The following GCNT1 variants were observed in gnomAD, a reference collection of about 807,000 sequenced individuals.
GCNT1 encodes the protein beta-1,3-galactosyl-O-glycosyl-glycoprotein beta-1,6-N-acetylglucosaminyltransferase.
In GCNT1, 16 loss-of-function variants were observed where a neutral mutation model predicts 26.2. The observed-to-expected ratio is 0.61, with a 90% CI of 0.41 to 0.93. The LOEUF (loss-of-function observed/expected upper bound fraction) is 0.93. Ranked by LOEUF, GCNT1 falls within the 40% of genes least tolerant of loss-of-function variation. GCNT1 has a pLI of 0.00. For synonymous variants in GCNT1, 183 were observed against 190.8 expected, an observed-to-expected ratio of 0.96 and a Z score of 0.34; for missense variants, 477 against 526.7, an observed-to-expected ratio of 0.91 and a Z score of 0.92.
rs985415648 is a variant in GCNT1 at position 76,506,527 on chromosome 9, C to T, written c.*2859C>T. The T allele has an allele frequency of 1.2e-5, 2 of 166,810 alleles. No homozygotes were observed. The highest frequency in any genetic ancestry group is 6.6e-5 in the Admixed American group (1 of 15,260). 10.3% of individuals were successfully genotyped at this position (166,810 alleles called of 1,614,324 possible). ...CCAGCCTGGGTGACAGAGTGAAACT[C>T]GTATCTCCAAACAAACAAACAAAAA... On this transcript the variant is annotated 3_prime_UTR_variant, in exon 4 of 4. Transcript: ENST00000376730.
At chr9:76,402,826 C>A in the GCNT1 span, among the ~76,000 whole-genome samples, 1 of 151,996 alleles carries the variant, frequency 6.6e-6, no homozygotes, top group Admixed American at 6.6e-5. Flanking sequence ...ATTACAGGCA[C>A]GCGCCACCAC....
the GCNT1 span, among the ~76,000 whole-genome samples, chr9:76,413,651 TTG>T: frequency 1.8e-5 from 1 of 54,172 alleles, no homozygotes; most frequent in East Asian, 2.4e-4. Context: ...TTGTTTTGTT[TTG>T]TTTTTTTTTT....
intron 1 of GCNT1, among the ~76,000 whole-genome samples, chr9:76,453,511 G>A (rs956884386): frequency 3.3e-5 from 5 of 152,108 alleles, no homozygotes; most frequent in Non-Finnish European, 5.9e-5. Context: ...TGCCATAATA[G>A]CAGGTACTCA....
upstream of GCNT1, among the ~76,000 whole-genome samples, chr9:76,457,319 G>A (rs1465226028): frequency 6.6e-6 from 1 of 152,246 alleles, no homozygotes; most frequent in East Asian, 1.9e-4. Context: ...CACGATCTCA[G>A]CTCACTGCAA....
chr9:76,408,373 A>G, the GCNT1 span, among the ~76,000 whole-genome samples: 1 of 152,110 alleles, frequency 6.6e-6, no homozygotes, highest in African/African-American at 2.4e-5. Flanking sequence ...TAATATGATC[A>G]TGTTTTTTTC....
chr9:76,430,934 C>T (rs547624306), intron 1 of GCNT1, among the ~76,000 whole-genome samples: 157 of 152,316 alleles, frequency 1.0e-3, no homozygotes, highest in Non-Finnish European at 1.7e-3. Flanking sequence ...AATCCACCTA[C>T]CTTGGCCTCC....
At chr9:76,448,391 A>G (rs1331571053) in intron 1 of GCNT1, among the ~76,000 whole-genome samples, 2 of 152,116 alleles carry the variant, frequency 1.3e-5, no homozygotes, top group African/African-American at 4.8e-5. Context: ...GACTGAGGCT[A>G]CAGTGAGCTG....
intron 1 of GCNT1, 23 bp downstream of exon 1, chr9:76,459,328 C>T (rs1172590775): frequency 1.3e-5 from 2 of 152,412 alleles, no homozygotes; most frequent in Admixed American, 6.5e-5. Flanking sequence ...CCCTCGTGTT[C>T]CCCTGCTCGG....
At chr9:76,496,012 G>T (rs1172252868) in intron 2 of GCNT1, among the ~76,000 whole-genome samples, 2 of 152,044 alleles carry the variant, frequency 1.3e-5, no homozygotes, top group Non-Finnish European at 2.9e-5. Flanking sequence ...ATTTCTCTTG[G>T]CATGCTTGGA....
At chr9:76,468,801 C>T (rs1162289121) in intron 2 of GCNT1, among the ~76,000 whole-genome samples, 1 of 152,140 alleles carries the variant, frequency 6.6e-6, no homozygotes, top group Non-Finnish European at 1.5e-5. Context: ...CAGTGAATTA[C>T]TTTTCAAAAG....
At chr9:76,395,219 G>C in the GCNT1 span, among the ~76,000 whole-genome samples, 3 of 152,194 alleles carry the variant, frequency 2.0e-5, no homozygotes, top group Non-Finnish European at 4.4e-5. Flanking sequence ...GATATGCAGG[G>C]TGCAAGGTTA....
intron 1 of GCNT1, among the ~76,000 whole-genome samples, chr9:76,423,319 G>C (rs1535845): frequency 0.8 from 121,501 of 152,180 alleles, 49,633 homozygotes; most frequent in African/African-American, 0.94. Context: ...GAATTCCAAC[G>C]TCATGAATGA....
chr9:76,396,502 G>C, the GCNT1 span, among the ~76,000 whole-genome samples: 11 of 151,948 alleles, frequency 7.2e-5, no homozygotes, highest in Non-Finnish European at 1.3e-4. Context: ...AAAAAAAGAA[G>C]AAAGGGGAAA....
chr9:76,485,957 C>T (rs1283407113), intron 2 of GCNT1, among the ~76,000 whole-genome samples: 1 of 152,208 alleles, frequency 6.6e-6, no homozygotes, highest in Non-Finnish European at 1.5e-5. Flanking sequence ...GGCCTGAACT[C>T]CAGACCTCAA....
chr9:76,502,836 T>G lies in GCNT1; in HGVS notation c.455T>G (p.Ile152Ser). ...AIYMPQNFYC[I>S]HVDTKSEDSY... ...TATATGCCTCAGAATTTCTATTGCA[T>G]TCATGTGGACACAAAATCCGAGGAT... The change falls in exon 4 of 4, where the codon ATT becomes AGT. Residue 152 changes from isoleucine (I) to serine (S), a missense_variant. By Grantham distance (142) the Ile-to-Ser change is moderately radical (BLOSUM62 -2). Coordinates refer to ENST00000376730, the MANE Select transcript of GCNT1 (RefSeq NM_001490.5). The G allele has an allele frequency of 6.2e-7, 1 of 1,614,118 alleles. No homozygotes were observed. The highest frequency in any genetic ancestry group is 8.5e-7 in the Non-Finnish European group (1 of 1,179,974).
At chr9:76,399,735 G>T in the GCNT1 span, 1 of 594,374 alleles carries the variant, frequency 1.7e-6, no homozygotes, top group Non-Finnish European at 3.0e-6. Context: ...TGGATGAATG[G>T]ATGTTTTATT....
chr9:76,419,352 G>A (rs527491730), upstream of GCNT1, among the ~76,000 whole-genome samples: 1 of 152,132 alleles, frequency 6.6e-6, no homozygotes, highest in Non-Finnish European at 1.5e-5. Flanking sequence ...CATATTGGTT[G>A]GTAAAATAAA....
intron 2 of GCNT1, among the ~76,000 whole-genome samples, chr9:76,499,212 C>T (rs1824994320): frequency 6.6e-6 from 1 of 152,116 alleles, no homozygotes; most frequent in South Asian, 2.1e-4. Context: ...ACTGCAGTTT[C>T]CACCACCCAA....
intron 1 of GCNT1, among the ~76,000 whole-genome samples, chr9:76,445,932 G>T (rs1587415297): frequency 1.3e-5 from 2 of 152,020 alleles, no homozygotes; most frequent in Admixed American, 6.5e-5. Context: ...GTGAGCTGTG[G>T]TCAATTACAC....
Sources: allele counts gnomAD v4.1 joint callset (sites outside exome capture counted in the v4.1 genomes callset), GRCh38; gene constraint gnomAD v4.1.1; transcripts MANE v1.5; gene names NCBI Gene and HGNC (gene_info 2026-07-23, HGNC 2026-07-21).